The following FSD1L variants were observed in gnomAD, a reference collection of about 807,000 sequenced individuals.
FSD1L encodes FSD1-like protein.
A neutral mutation model predicts 71.6 loss-of-function variants in FSD1L; 45 were observed. The ratio of observed to expected loss-of-function variants is 0.63; its 90% confidence interval spans 0.49 to 0.81. The LOEUF (loss-of-function observed/expected upper bound fraction) is 0.81, where lower values mean the gene tolerates loss of function less well. Ranked by LOEUF, FSD1L falls within the 30% of genes least tolerant of loss-of-function variation. The pLI is 0.00. For synonymous variants in FSD1L, 197 were observed against 207.2 expected, an observed-to-expected ratio of 0.95 and a Z score of 0.42; for missense variants, 561 against 618.1, an observed-to-expected ratio of 0.91 and a Z score of 0.98.
rs75642920 is a variant in FSD1L, at chr9:105,496,157, C to A, written c.587-10242C>A. Among the ~76,000 whole-genome samples the A allele has an allele frequency of 2.0e-3, 296 of 146,244 alleles. 3 individuals are homozygous for A. Among genetic ancestry groups the A allele is most frequent in the African/African-American group, 7.0e-3 (280 of 40,016 alleles). On this transcript the variant is annotated intron_variant, in intron 7 of 13. Transcript: ENST00000481272. ...GAAGCTTGCCTTTGGTTCCTTTGAT[C>A]TATTTGTCTCTTCTTTCACCAGTAC...
In FSD1L at chr9:105,525,496, C is replaced by G; in HGVS notation, c.1026-8997C>G. On this transcript the variant is annotated intron_variant, in intron 10 of 13. Coordinates refer to ENST00000481272, the MANE Select transcript of FSD1L (RefSeq NM_001145313.3). The stretch of plus-strand genomic sequence containing the variant: ...TGACTTAAACATGAAAGCTGTGGAA[C>G]AAGATGAACCAATACCTCAAAAACC... The G allele has an allele frequency of 1.9e-6, 3 of 1,609,354 alleles. No individual in the cohort carries two copies. In the South Asian group the frequency reaches 3.3e-5, roughly 18 times the overall value.
rs1384426592 is a variant in FSD1L, at chr9:105,551,725, T to C, written c.*5242T>C. The C allele has an allele frequency of 1.3e-5, 2 of 152,230 alleles. No homozygotes were observed. Among genetic ancestry groups the C allele is most frequent in the African/African-American group, 4.8e-5 (2 of 41,478 alleles). The allele number at this position is 152,230 out of a possible 1,614,324, so 9.4% of individuals were successfully genotyped here. ...TTGTATTTTCTCAAGCCTATTACTC[T>C]AGAGCTGTAAAAGCTCTTGCACAGC... On this transcript the variant is annotated 3_prime_UTR_variant, in exon 14 of 14. Transcript: ENST00000481272.
chr9:105,495,938 C>CTGCA (rs1452538328), intron 7 of FSD1L, among the ~76,000 whole-genome samples: 1 of 149,650 alleles, frequency 6.7e-6, no homozygotes. Flanking sequence ...CACCACTGCA[C>CTGCA]TGCAGCCTGG....
At chr9:105,509,561 C>G (rs1834277747) in intron 9 of FSD1L, among the ~76,000 whole-genome samples, 5 of 152,172 alleles carry the variant, frequency 3.3e-5, no homozygotes, top group Admixed American at 2.0e-4. Flanking sequence ...AGGCATTCCA[C>G]TGACCTCTAG....
At position 105,490,608 on chromosome 9, in the gene FSD1L, A is replaced by T. The variant is rs1276454946; in HGVS notation, c.586+6106A>T. Among the ~76,000 whole-genome samples, 100 of 145,220 alleles carry T rather than the reference A, an allele frequency of 6.9e-4. 1 individual carries two copies. Among genetic ancestry groups the T allele is most frequent in the African/African-American group, 2.5e-3 (99 of 38,916 alleles). ...GCCTATGTCCTGAATGGTAATGCCTAGGTTTTCTTCTAGGGTTTTTATGGT... is the reference window on the plus strand; with the variant it reads ...GCCTATGTCCTGAATGGTAATGCCTTGGTTTTCTTCTAGGGTTTTTATGGT... On this transcript the variant is annotated intron_variant, in intron 7 of 13. Coordinates refer to ENST00000481272, the MANE Select transcript of FSD1L (RefSeq NM_001145313.3).
rs1324720550 is a variant in FSD1L at position 105,546,397 on chromosome 9, G to C, written c.1507G>C (p.Val503Leu). ...ACTTTCTTTGAGTACTGGGATGCAG[G>C]TTCCAAGTGCTGTGAGAACACTTCA... ...GGLSLSTGMQ[V>L]PSAVRTLQKS... is the part of the protein sequence containing the mutation. The change falls in exon 14 of 14, where the codon GTT becomes CTT. Residue 503 changes from valine to leucine, a missense_variant. Val to Leu is a conservative substitution (Grantham distance 32). This residue lies in a region of FSD1L where 98 missense variants were observed against 102.3 expected (regional missense o/e 0.96). Coordinates refer to ENST00000481272, the MANE Select transcript of FSD1L (RefSeq NM_001145313.3). The C allele has an allele frequency of 3.2e-6, 5 of 1,550,056 alleles. No homozygotes were observed. Among genetic ancestry groups the C allele is most frequent in the East Asian group, 2.4e-5 (1 of 40,874 alleles).
chr9:105,526,001 G>T, intron 10 of FSD1L: 1 of 1,545,966 alleles, frequency 6.5e-7, no homozygotes, highest in Non-Finnish European at 8.9e-7. Context: ...AGAGACTACA[G>T]GAGAGGAATT....
In FSD1L at chr9:105,468,205, A is replaced by C; in HGVS notation, c.220A>C (p.Asn74His). 7.1e-7 allele frequency: 1 copy of C among 1,411,554 alleles called. No individual in the cohort carries two copies. The highest frequency in any genetic ancestry group is 1.7e-5 in the South Asian group (1 of 59,982). 87.4% of individuals were successfully genotyped at this position (1,411,554 alleles called of 1,614,324 possible). ...TLKGVQENSS[N>H]ILSELDEEFD... is the part of the protein sequence containing the mutation. Reference sequence around the variant, plus strand: ...GTTTTTTAAACAGGAAAATTCGTCCAACATACTCTCAGAGTTAGATGAAGA... The same window carrying C: ...GTTTTTTAAACAGGAAAATTCGTCCCACATACTCTCAGAGTTAGATGAAGA... Residue 74 changes from asparagine to histidine, a missense_variant, in exon 4 of 14, where the codon AAC (asparagine) becomes CAC (histidine). Around this residue, in one of 3 missense-constraint regions of FSD1L, gnomAD observed 410 missense variants for 413.5 expected, o/e 0.99. Transcript: ENST00000481272.
chr9:105,521,703 G>A, intron 10 of FSD1L: 1 of 1,613,360 alleles, frequency 6.2e-7, no homozygotes, highest in Non-Finnish European at 8.5e-7. Flanking sequence ...AAGAGAAGAG[G>A]AAAATGGGAC....
chr9:105,480,834 C>T (rs2131688092), intron 6 of FSD1L, among the ~76,000 whole-genome samples: 1 of 152,244 alleles, frequency 6.6e-6, no homozygotes, highest in South Asian at 2.1e-4. Context: ...TACTGTTTAG[C>T]TACCTATCCC....
At chr9:105,481,139 CTCTG>C (rs1832148138) in intron 6 of FSD1L, among the ~76,000 whole-genome samples, 1 of 75,464 alleles carries the variant, frequency 1.3e-5, no homozygotes, top group African/African-American at 6.3e-5. Flanking sequence ...TTCAGGCAAA[CTCTG>C]TGTGTGTGTG....
intron 7 of FSD1L, among the ~76,000 whole-genome samples, chr9:105,492,680 A>G (rs559183944): frequency 6.6e-6 from 1 of 152,250 alleles, no homozygotes; most frequent in East Asian, 1.9e-4. Context: ...AATGTGTCCC[A>G]GAGATTCTGG....
intron 4 of FSD1L, among the ~76,000 whole-genome samples, chr9:105,468,652 G>T (rs937050384): frequency 1.3e-5 from 2 of 151,908 alleles, no homozygotes; most frequent in African/African-American, 4.8e-5. Context: ...CCACCACCAT[G>T]CCTGGCTAAT....
Position 105,546,379 on chromosome 9 carries a change from T to G in FSD1L, c.1489T>G (p.Leu497Val). 1 of 1,548,500 alleles carries G rather than the reference T, an allele frequency of 6.5e-7. No homozygotes were observed. Among genetic ancestry groups the G allele is most frequent in the Non-Finnish European group, 8.7e-7 (1 of 1,145,706 alleles). Residue 497 changes from leucine to valine, a missense_variant, in exon 14 of 14, where the codon TTG (leucine) becomes GTG (valine). Physicochemically the swap from Leu to Val is conservative, Grantham distance 32. This residue lies in a region of FSD1L where 98 missense variants were observed against 102.3 expected (regional missense o/e 0.96). Transcript: ENST00000481272. ...TTAGGTATGGTGTGGTGGACTTTCTTTGAGTACTGGGATGCAGGTTCCAAG... is the reference window on the plus strand; with the variant it reads ...TTAGGTATGGTGTGGTGGACTTTCTGTGAGTACTGGGATGCAGGTTCCAAG... ...GFMVWCGGLS[L>V]STGMQVPSAV...
chr9:105,494,158 C>T (rs1259206652), intron 7 of FSD1L, among the ~76,000 whole-genome samples: 2 of 152,202 alleles, frequency 1.3e-5, no homozygotes, highest in South Asian at 4.1e-4. Flanking sequence ...TAGATTTGGT[C>T]TTTTCACATA....
At chr9:105,519,912 G>A (rs1049223622) in intron 10 of FSD1L, among the ~76,000 whole-genome samples, 1 of 152,238 alleles carries the variant, frequency 6.6e-6, no homozygotes, top group Non-Finnish European at 1.5e-5. Flanking sequence ...CGCCATATTG[G>A]AGCTGGGGCC....
At chr9:105,454,115 A>G (rs1483642014) in intron 1 of FSD1L, among the ~76,000 whole-genome samples, 1 of 152,232 alleles carries the variant, frequency 6.6e-6, no homozygotes, top group African/African-American at 2.4e-5. Context: ...AAAATAAAAT[A>G]AAAACCACTC....
intron 5 of FSD1L, among the ~76,000 whole-genome samples, chr9:105,473,696 C>T (rs1292850999): frequency 6.6e-6 from 1 of 152,096 alleles, no homozygotes; most frequent in Non-Finnish European, 1.5e-5. Flanking sequence ...TCAAAAATGC[C>T]TTGAATCCAG....
chr9:105,520,300 A>C (rs1259309922), intron 10 of FSD1L: 11 of 1,512,412 alleles, frequency 7.3e-6, no homozygotes, highest in Non-Finnish European at 1.0e-5. Context: ...TTCAGAGTTT[A>C]TCTCGAGCTG....
Sources: allele counts gnomAD v4.1 joint callset (sites outside exome capture counted in the v4.1 genomes callset), GRCh38; gene constraint gnomAD v4.1.1; regional missense constraint gnomAD v4.1.1; transcripts MANE v1.5; gene names NCBI Gene and HGNC (gene_info 2026-07-23, HGNC 2026-07-21).